Variants in UNK observed in about 807,000 individuals in gnomAD.
UNK encodes the protein unk zinc finger.
UNK carries 32 observed loss-of-function variants against 97.6 expected under a neutral mutation model. That is an observed-to-expected ratio of 0.33 (90% confidence interval 0.25 to 0.44). UNK has a LOEUF of 0.44. UNK is among the 20% of genes least tolerant of loss of function. The pLI is 1.00. For missense variants in UNK, 771 were observed against 1,098.4 expected (o/e 0.70, Z 4.21); for synonymous variants, 441 against 461.2 (o/e 0.96, Z 0.56).
chr17:75,787,837 A>G (rs936860859), intron 1 of UNK, among the ~76,000 whole-genome samples: 8 of 151,242 alleles, frequency 5.3e-5, no homozygotes, highest in African/African-American at 1.5e-4. Flanking sequence ...AAAAAAAAAA[A>G]AGAGAGACGT....
rs1230935054 is a variant in UNK, at chr17:75,825,529, C to T, written c.*1112C>T. On this transcript the variant is annotated 3_prime_UTR_variant, in exon 16 of 16. Coordinates refer to ENST00000589666, the MANE Select transcript of UNK (RefSeq NM_001080419.3). This position sits in a 1 kb window ranked among gnomAD's most constrained non-coding sequence, Gnocchi z 4.4. ...TGTGCCTGTCCAGTGTATATTGTGT[C>T]TTAGCTTCCATTTTAAAAATTGTTC... 9 of 152,454 alleles carry T rather than the reference C, an allele frequency of 5.9e-5. No individual in the cohort carries two copies. Among genetic ancestry groups the T allele is most frequent in the Admixed American group, 5.9e-4 (9 of 15,284 alleles). 9.4% of individuals were successfully genotyped at this position (152,454 alleles called of 1,614,324 possible). A position where few individuals can be genotyped will look rare whatever the true frequency, so the allele number is the denominator to read the frequency against.
At chr17:75,795,693 G>A (rs188189958) in intron 1 of UNK, among the ~76,000 whole-genome samples, 3 of 152,198 alleles carry the variant, frequency 2.0e-5, no homozygotes, top group South Asian at 2.1e-4. Flanking sequence ...GAGGATGAAC[G>A]GGGGTTTGTA....
intron 1 of UNK, among the ~76,000 whole-genome samples, chr17:75,796,769 C>T (rs377121052): frequency 3.1e-4 from 47 of 152,092 alleles, no homozygotes; most frequent in African/African-American, 1.1e-3. Flanking sequence ...ATCAGATTTG[C>T]AAAAATAAGG....
intron 1 of UNK, among the ~76,000 whole-genome samples, chr17:75,802,912 G>A (rs190739372): frequency 2.0e-5 from 3 of 150,764 alleles, no homozygotes; most frequent in Non-Finnish European, 4.4e-5. Flanking sequence ...GGATCACGAG[G>A]TCAGGAGATT....
At chr17:75,810,339 A>G (rs1331285535) in intron 2 of UNK, among the ~76,000 whole-genome samples, 2 of 152,166 alleles carry the variant, frequency 1.3e-5, no homozygotes, top group African/African-American at 2.4e-5. Context: ...GACCCTAAAT[A>G]TCTTACTGCA....
chr17:75,819,569 G>A lies in UNK; in HGVS notation c.1547-115G>A. On this transcript the variant is annotated intron_variant, in intron 11 of 15. Coordinates refer to ENST00000589666, the MANE Select transcript of UNK (RefSeq NM_001080419.3). The surrounding 1 kb of genome is among the most constrained non-coding windows in gnomAD (Gnocchi z 5.4). ...GCTGAAGGAAGGGCACAGGGGCTTG[G>A]GAGAATACGGACCCAGCGTAGCATG... 1.1e-6 allele frequency: 1 copy of A among 942,948 alleles called. No homozygotes were observed. Among genetic ancestry groups the A allele is most frequent in the Non-Finnish European group, 1.7e-6 (1 of 600,664 alleles). The allele number at this position is 942,948 out of a possible 1,614,324, so 58.4% of individuals were successfully genotyped here.
Position 75,820,125 on chromosome 17 carries a change from TTCACTCAGGA to T in UNK, c.1837+18_1837+27del. The T allele has an allele frequency of 6.3e-7, 1 of 1,597,430 alleles. No homozygotes were observed. The highest frequency in any genetic ancestry group is 8.5e-7 in the Non-Finnish European group (1 of 1,169,934). On this transcript the variant is annotated intron_variant, in intron 13 of 15. Transcript: ENST00000589666. ...GATCTTTGGGTAAGAGAGGGAGTGG[TTCACTCAGGA>T]GAACTGGGGCAGGAACCTGCGCCTT...
intron 1 of UNK, chr17:75,794,183 A>AG (rs1253154226): frequency 1.0e-6 from 1 of 967,776 alleles, no homozygotes; most frequent in Non-Finnish European, 1.2e-6. Flanking sequence ...TATCCAGTAG[A>AG]GCATGCTAAA....
rs1175395275 is a variant in UNK, at chr17:75,784,955, G to C, written c.75G>C (p.Gln25His). The change falls in exon 1 of 16, where the codon CAG becomes CAC. Residue 25 changes from glutamine to histidine, a missense_variant. Gln to His is a conservative substitution (Grantham distance 24). This residue lies in a region of UNK where 246 missense variants were observed against 440.7 expected (regional missense o/e 0.56). Coordinates refer to ENST00000589666, the MANE Select transcript of UNK (RefSeq NM_001080419.3). ...APPAATAQVL[Q>H]AQPEKPQHYT... ...CGGCCGCTACCGCTCAGGTGCTGCA[G>C]GCACAGCCCGAGAAACCGCAGCACT... 1 of 1,532,830 alleles carries C rather than the reference G, an allele frequency of 6.5e-7. No homozygotes were observed. Among genetic ancestry groups the C allele is most frequent in the African/African-American group, 1.4e-5 (1 of 71,402 alleles). 95.0% of individuals were successfully genotyped at this position (1,532,830 alleles called of 1,614,324 possible). A position where few individuals can be genotyped will look rare whatever the true frequency, so the allele number is the denominator to read the frequency against.
intron 6 of UNK, among the ~76,000 whole-genome samples, chr17:75,814,758 G>C (rs758621667): frequency 6.6e-6 from 1 of 152,232 alleles, no homozygotes; most frequent in Non-Finnish European, 1.5e-5. Flanking sequence ...GCTGCAGACA[G>C]CAGAGTGGAA....
At chr17:75,800,930 G>A (rs112700278) in intron 1 of UNK, among the ~76,000 whole-genome samples, 8 of 151,392 alleles carry the variant, frequency 5.3e-5, no homozygotes, top group African/African-American at 1.9e-4. Flanking sequence ...TTGAGACGGA[G>A]TGTCACTCTG....
chr17:75,814,576 A>G (rs2062000685), intron 6 of UNK, among the ~76,000 whole-genome samples: 1 of 151,122 alleles, frequency 6.6e-6, no homozygotes, highest in South Asian at 2.1e-4. Flanking sequence ...ATTATCAGCA[A>G]CCTCCCTAAC....
At chr17:75,792,060 G>A (rs892397705) in intron 1 of UNK, 29 of 985,268 alleles carry the variant, frequency 2.9e-5, no homozygotes, top group Non-Finnish European at 3.5e-5. Context: ...CCATGAGCAC[G>A]CTTAGGTAAC....
chr17:75,792,250 A>G, intron 1 of UNK: 21 of 971,956 alleles, frequency 2.2e-5, no homozygotes, highest in Non-Finnish European at 2.4e-5. Flanking sequence ...ATTTTCCCAC[A>G]CTGGGCAATA....
At chr17:75,798,066 C>CTT (rs776246418) in intron 1 of UNK, among the ~76,000 whole-genome samples, 16 of 129,120 alleles carry the variant, frequency 1.2e-4, no homozygotes, top group African/African-American at 2.6e-4. Flanking sequence ...GACCACAGCT[C>CTT]TTTTTTTTTT....
chr17:75,793,874 G>A (rs2061783120), intron 1 of UNK: 3 of 985,270 alleles, frequency 3.0e-6, no homozygotes, highest in African/African-American at 1.7e-5. Flanking sequence ...TAAAGAAGAG[G>A]TTGATAAAAA....
intron 1 of UNK, among the ~76,000 whole-genome samples, chr17:75,800,885 C>G (rs917202138): frequency 6.6e-6 from 1 of 151,942 alleles, no homozygotes; most frequent in Non-Finnish European, 1.5e-5. Context: ...CTTCTCATTG[C>G]TGCACGTGTC....
chr17:75,824,468 T>A lies in UNK; in HGVS notation c.*51T>A. The A allele has an allele frequency of 8.0e-7, 1 of 1,244,220 alleles. No individual in the cohort carries two copies. Among genetic ancestry groups the A allele is most frequent in the Non-Finnish European group, 1.0e-6 (1 of 964,856 alleles). The allele number at this position is 1,244,220 out of a possible 1,614,324, so 77.1% of individuals were successfully genotyped here. A position where few individuals can be genotyped will look rare whatever the true frequency, so the allele number is the denominator to read the frequency against. On this transcript the variant is annotated 3_prime_UTR_variant, in exon 16 of 16. Coordinates refer to ENST00000589666, the MANE Select transcript of UNK (RefSeq NM_001080419.3). The surrounding 1 kb of genome is among the most constrained non-coding windows in gnomAD (Gnocchi z 4.9). ...CCAGATCTTCTCACCTAGGACTTTT[T>A]AAAGTATATATATATATATGAATAT...
chr17:75,816,289 C>A lies in UNK; in HGVS notation c.962-481C>A, dbSNP rs982097162. Among the ~76,000 whole-genome samples the A allele has an allele frequency of 6.6e-6, 1 of 152,212 alleles. No individual in the cohort carries two copies. The highest frequency in any genetic ancestry group is 1.5e-5 in the Non-Finnish European group (1 of 68,040). ...TCCTTAACCTCTTTCCAGGCTCAGGCCCTATCTCTGAGATGAGAATGGAAA... is the reference window on the plus strand; with the variant it reads ...TCCTTAACCTCTTTCCAGGCTCAGGACCTATCTCTGAGATGAGAATGGAAA... On this transcript the variant is annotated intron_variant, in intron 7 of 15. Transcript: ENST00000589666. The surrounding 1 kb of genome is among the most constrained non-coding windows in gnomAD (Gnocchi z 4.0).
Sources: allele counts gnomAD v4.1 joint callset (sites outside exome capture counted in the v4.1 genomes callset), GRCh38; gene constraint gnomAD v4.1.1; regional missense constraint gnomAD v4.1.1; non-coding constraint Gnocchi (gnomAD v3.1); transcripts MANE v1.5; gene names NCBI Gene and HGNC (gene_info 2026-07-23, HGNC 2026-07-21).